Variants in ZNF131 observed in about 807,000 individuals in gnomAD.
ZNF131 encodes the protein zinc finger and BTB domain containing 35.
A neutral mutation model predicts 60.0 loss-of-function variants in ZNF131; 7 were observed. The observed-to-expected ratio is 0.12, with a 90% CI of 0.07 to 0.22. The LOEUF (loss-of-function observed/expected upper bound fraction) is 0.22, where lower values mean the gene tolerates loss of function less well. Ranked by LOEUF, ZNF131 falls within the 10% of genes least tolerant of loss-of-function variation. The probability of loss-of-function intolerance (pLI) is 1.00; values close to 1 mark genes in which losing one functional copy is unlikely to be tolerated. For synonymous variants in ZNF131, 257 were observed against 253.2 expected (o/e 1.01, Z -0.14); for missense variants, 493 against 740.9 (o/e 0.67, Z 3.88).
chr5:43,131,653 A>G (rs1171383706), intron 3 of ZNF131, among the ~76,000 whole-genome samples: 1 of 152,218 alleles, frequency 6.6e-6, no homozygotes, highest in Non-Finnish European at 1.5e-5. Flanking sequence ...TAGCTAATAT[A>G]GTTTACATCC....
At chr5:43,123,399 A>G in intron 3 of ZNF131, 89 bp downstream of exon 3, 1 of 1,146,148 alleles carries the variant, frequency 8.7e-7, no homozygotes, top group Non-Finnish European at 1.2e-6. Flanking sequence ...TTAGCAAACA[A>G]TTGGTGAAGC....
intron 5 of ZNF131, chr5:43,168,178 T>TA (rs902814020): frequency 2.6e-5 from 6 of 231,406 alleles, no homozygotes; most frequent in African/African-American, 1.1e-4. Flanking sequence ...TATCACCTCT[T>TA]AAAGGTCCTA....
At chr5:43,122,696 A>T (rs943612876) in intron 2 of ZNF131, among the ~76,000 whole-genome samples, 1 of 152,192 alleles carries the variant, frequency 6.6e-6, no homozygotes, top group Non-Finnish European at 1.5e-5. Context: ...CAGCGTGGGT[A>T]TGTTTTCTGT....
chr5:43,136,476 CTTTTTTTT>C (rs70991484), intron 3 of ZNF131, among the ~76,000 whole-genome samples: 1,110 of 70,068 alleles, frequency 0.016, 20 homozygotes, highest in Middle Eastern at 0.053. Context: ...AGGCATCATA[CTTTTTTTT>C]TTTTTTTTTT....
At chr5:43,135,906 A>G (rs1296545234) in intron 3 of ZNF131, among the ~76,000 whole-genome samples, 1 of 152,174 alleles carries the variant, frequency 6.6e-6, no homozygotes, top group Non-Finnish European at 1.5e-5. Flanking sequence ...TCACAATTTC[A>G]GGAGTTCAAG....
chr5:43,174,208 A>G (rs1313163337), intron 6 of ZNF131, among the ~76,000 whole-genome samples: 1 of 152,224 alleles, frequency 6.6e-6, no homozygotes, highest in Non-Finnish European at 1.5e-5. Context: ...AGCCTGGGCA[A>G]CAAGAGCGAG....
At chr5:43,152,278 C>T (rs371719759) in intron 4 of ZNF131, among the ~76,000 whole-genome samples, 1 of 152,238 alleles carries the variant, frequency 6.6e-6, no homozygotes, top group East Asian at 1.9e-4. Context: ...GCTGGGATTA[C>T]AGGTGTGAGC....
intron 4 of ZNF131, among the ~76,000 whole-genome samples, chr5:43,150,419 T>G (rs1748151131): frequency 6.6e-6 from 1 of 152,158 alleles, no homozygotes; most frequent in Non-Finnish European, 1.5e-5. Context: ...TCCTTGTTTC[T>G]GTATTATCCT....
chr5:43,160,036 C>A (rs1053040454), intron 4 of ZNF131, among the ~76,000 whole-genome samples: 1 of 150,574 alleles, frequency 6.6e-6, no homozygotes, highest in Non-Finnish European at 1.5e-5. Flanking sequence ...ATTAGCTGGT[C>A]GTGGTGGCGG....
At chr5:43,157,288 T>C (rs1749083120) in intron 4 of ZNF131, among the ~76,000 whole-genome samples, 1 of 152,216 alleles carries the variant, frequency 6.6e-6, no homozygotes, top group African/African-American at 2.4e-5. Context: ...ATAAGCATTA[T>C]GTTCTCCCCT....
In ZNF131 at chr5:43,172,005, A is replaced by G. The variant is rs563482703; in HGVS notation, c.1055-1313A>G. 7.7e-4 allele frequency among the ~76,000 whole-genome samples: 117 copies of G among 152,136 alleles called. 3 individuals carry two copies. In the Middle Eastern group the frequency reaches 0.024, roughly 31 times the overall value. On this transcript the variant is annotated intron_variant, in intron 5 of 6. Coordinates refer to ENST00000682664, the MANE Select transcript of ZNF131 (RefSeq NM_001330707.2). ...AGCAATCCTTCTGCCTTGGCCTCCCAAAGTGCTGCTGGGATTACAGGCATA... is the reference window on the plus strand; with the variant it reads ...AGCAATCCTTCTGCCTTGGCCTCCCGAAGTGCTGCTGGGATTACAGGCATA...
At chr5:43,135,125 A>C (rs2112216121) in intron 3 of ZNF131, among the ~76,000 whole-genome samples, 1 of 151,638 alleles carries the variant, frequency 6.6e-6, no homozygotes, top group African/African-American at 2.4e-5. Context: ...CAGCCTCCCG[A>C]GTAGCTGGGA....
At chr5:43,156,012 A>G (rs1748918495) in intron 4 of ZNF131, among the ~76,000 whole-genome samples, 1 of 152,212 alleles carries the variant, frequency 6.6e-6, no homozygotes, top group Non-Finnish European at 1.5e-5. Flanking sequence ...ACTAGCGGCA[A>G]ATGTCAGGGA....
chr5:43,175,216 T>C lies in ZNF131; in HGVS notation c.*83T>C. 1 of 1,381,146 alleles carries C rather than the reference T, an allele frequency of 7.2e-7. No homozygotes were observed. The allele number at this position is 1,381,146 out of a possible 1,614,324, so 85.6% of individuals were successfully genotyped here. A position where few individuals can be genotyped will look rare whatever the true frequency, so the allele number is the denominator to read the frequency against. On this transcript the variant is annotated 3_prime_UTR_variant, in exon 7 of 7. Transcript: ENST00000682664. ...CAGTTTGACTGTCCTTAATTAAGCC[T>C]AACAGACAAGTGGACCAAAGTTAAG...
intron 3 of ZNF131, among the ~76,000 whole-genome samples, chr5:43,125,870 C>T (rs1233962968): frequency 2.6e-5 from 4 of 152,156 alleles, no homozygotes; most frequent in Non-Finnish European, 5.9e-5. Flanking sequence ...GAAGTAGAGC[C>T]TGGTCTTCTG....
At chr5:43,157,354 A>G (rs1012838435) in intron 4 of ZNF131, among the ~76,000 whole-genome samples, 10 of 152,118 alleles carry the variant, frequency 6.6e-5, no homozygotes, top group African/African-American at 2.4e-4. Context: ...GCCTATAGCA[A>G]TCGCAAATTT....
intron 5 of ZNF131, among the ~76,000 whole-genome samples, chr5:43,170,818 G>T (rs35321959): frequency 0.089 from 11,783 of 133,046 alleles, 648 homozygotes; most frequent in Middle Eastern, 0.16. Context: ...TTTTTTTTTA[G>T]TAGAGATGGG....
chr5:43,168,868 G>T (rs1411353556), intron 5 of ZNF131, among the ~76,000 whole-genome samples: 1 of 152,206 alleles, frequency 6.6e-6, no homozygotes, highest in Non-Finnish European at 1.5e-5. Flanking sequence ...AGGAGTAAAA[G>T]AGCTGGTGAC....
At chr5:43,133,050 C>A (rs1745565438) in intron 3 of ZNF131, among the ~76,000 whole-genome samples, 1 of 152,062 alleles carries the variant, frequency 6.6e-6, no homozygotes, top group South Asian at 2.1e-4. Flanking sequence ...TGTCTCGTAG[C>A]CTTTCATTAG....
Sources: allele counts gnomAD v4.1 joint callset (sites outside exome capture counted in the v4.1 genomes callset), GRCh38; gene constraint gnomAD v4.1.1; transcripts MANE v1.5; gene names NCBI Gene and HGNC (gene_info 2026-07-23, HGNC 2026-07-21).